PIP5K1B: variants seen among roughly 807,000 people sequenced by gnomAD.
The protein encoded by PIP5K1B is phosphatidylinositol 4-phosphate 5-kinase type-1 beta.
A neutral mutation model predicts 67.0 loss-of-function variants in PIP5K1B; 42 were observed. The observed-to-expected ratio is 0.63, with a 90% CI of 0.49 to 0.81. The LOEUF (loss-of-function observed/expected upper bound fraction) is 0.81. PIP5K1B is among the 30% of genes least tolerant of loss of function. PIP5K1B has a pLI of 0.00. For missense variants in PIP5K1B, 459 were observed against 646.3 expected (o/e 0.71, Z 3.14); for synonymous variants, 214 against 231.4 (o/e 0.92, Z 0.68).
rs201777880 is a variant in PIP5K1B at position 68,780,137 on chromosome 9, G to A, written c.-86+37480G>A. On this transcript the variant is annotated intron_variant, in intron 2 of 15. Coordinates refer to ENST00000265382, the MANE Select transcript of PIP5K1B (RefSeq NM_003558.4). Reference sequence around the variant, plus strand: ...ATGGGAATCCTAGGTCCCTGACTGAGCACCTCCCCCGCCTCCCTGCCCCCG... The same window carrying A: ...ATGGGAATCCTAGGTCCCTGACTGAACACCTCCCCCGCCTCCCTGCCCCCG... 6 of 1,507,694 alleles carry A rather than the reference G, an allele frequency of 4.0e-6. No homozygotes were observed. The Admixed American group carries it at 1.4e-4, about 35-fold the overall frequency. 93.4% of individuals were successfully genotyped at this position (1,507,694 alleles called of 1,614,324 possible).
intron 8 of PIP5K1B, among the ~76,000 whole-genome samples, chr9:68,901,479 G>A (rs143955933): frequency 0.011 from 1,614 of 152,080 alleles, 31 homozygotes; most frequent in African/African-American, 0.037. Context: ...GGCTGGTCTC[G>A]AACTCCTGAT....
chr9:68,960,648 A>G (rs1243821541), intron 14 of PIP5K1B, among the ~76,000 whole-genome samples: 2 of 152,002 alleles, frequency 1.3e-5, no homozygotes, highest in Non-Finnish European at 2.9e-5. Context: ...CCTCTAATTC[A>G]ATCAATTCTA....
chr9:68,912,747 A>G (rs1825914060), intron 8 of PIP5K1B, among the ~76,000 whole-genome samples: 1 of 152,208 alleles, frequency 6.6e-6, no homozygotes, highest in Non-Finnish European at 1.5e-5. Context: ...ACCACCCTGC[A>G]GCCACACCAG....
intron 5 of PIP5K1B, among the ~76,000 whole-genome samples, chr9:68,869,631 A>G (rs539822406): frequency 6.6e-6 from 1 of 152,294 alleles, no homozygotes; most frequent in Admixed American, 6.5e-5. Context: ...AGTAATTGCT[A>G]CAGAGACTGT....
chr9:69,004,263 G>A (rs1200426358), intron 15 of PIP5K1B, among the ~76,000 whole-genome samples: 2 of 152,036 alleles, frequency 1.3e-5, no homozygotes, highest in African/African-American at 4.8e-5. Flanking sequence ...ATTTTAAATA[G>A]TTCATGAATT....
intron 5 of PIP5K1B, among the ~76,000 whole-genome samples, chr9:68,875,079 G>A (rs1228824310): frequency 6.6e-6 from 1 of 151,946 alleles, no homozygotes; most frequent in Non-Finnish European, 1.5e-5. Context: ...CATGCATACT[G>A]AATATTCAAC....
chr9:68,832,978 A>G (rs1587523825), intron 4 of PIP5K1B, among the ~76,000 whole-genome samples: 2 of 152,212 alleles, frequency 1.3e-5, no homozygotes, highest in African/African-American at 2.4e-5. Flanking sequence ...AGTGCCTAGA[A>G]TGTATGACAT....
chr9:68,840,651 C>T (rs1413808512), intron 4 of PIP5K1B, among the ~76,000 whole-genome samples: 1 of 152,130 alleles, frequency 6.6e-6, no homozygotes, highest in Non-Finnish European at 1.5e-5. Flanking sequence ...CCAACAATGG[C>T]AGATTGAGTC....
Position 68,894,585 on chromosome 9 carries a change from T to A in PIP5K1B, c.718T>A (p.Phe240Ile). 2 of 1,614,166 alleles carry A rather than the reference T, an allele frequency of 1.2e-6. No homozygotes were observed. The highest frequency in any genetic ancestry group is 1.7e-6 in the Non-Finnish European group (2 of 1,179,968). ...GCAAGACATGCACGAAGGGTTGTAT[T>A]TTGATACGGAAACATACAACGCGCT... ...FLQDMHEGLYFDTETYNALMK... is the reference protein window; with the variant it reads ...FLQDMHEGLYIDTETYNALMK... The change falls in exon 8 of 16, where the codon TTT (phenylalanine) becomes ATT (isoleucine). Residue 240 changes from phenylalanine to isoleucine, a missense_variant. Coordinates refer to ENST00000265382, the MANE Select transcript of PIP5K1B (RefSeq NM_003558.4).
At chr9:68,800,712 G>T (rs1159117743) in intron 2 of PIP5K1B, among the ~76,000 whole-genome samples, 1 of 152,196 alleles carries the variant, frequency 6.6e-6, no homozygotes, top group Non-Finnish European at 1.5e-5. Context: ...GCAGGGTTAA[G>T]TCTGCCCAGA....
chr9:68,972,007 A>G (rs751930584), intron 14 of PIP5K1B, among the ~76,000 whole-genome samples: 18 of 152,102 alleles, frequency 1.2e-4, no homozygotes, highest in Non-Finnish European at 2.4e-4. Context: ...CTCATTTGTC[A>G]GTTTTGGCTT....
intron 6 of PIP5K1B, among the ~76,000 whole-genome samples, chr9:68,878,380 G>A (rs1293749027): frequency 6.6e-6 from 1 of 152,074 alleles, no homozygotes; most frequent in African/African-American, 2.4e-5. Context: ...TCACAAATTT[G>A]CTTTCTTTGG....
chr9:68,925,933 G>A (rs1232881045), intron 12 of PIP5K1B, among the ~76,000 whole-genome samples: 6 of 151,116 alleles, frequency 4.0e-5, no homozygotes, highest in Admixed American at 6.6e-5. Flanking sequence ...GAGTAGCTGG[G>A]ATTACAAGCA....
chr9:68,975,815 CT>C (rs1347428831), intron 14 of PIP5K1B, among the ~76,000 whole-genome samples: 1 of 152,188 alleles, frequency 6.6e-6, no homozygotes, highest in Non-Finnish European at 1.5e-5. Flanking sequence ...CTGCCTTTAT[CT>C]TCCATGGAGC....
chr9:68,912,726 A>C (rs1554734355), intron 8 of PIP5K1B, among the ~76,000 whole-genome samples: 1 of 152,182 alleles, frequency 6.6e-6, no homozygotes, highest in Non-Finnish European at 1.5e-5. Flanking sequence ...GTTCCAGAGC[A>C]AGGAGACTGA....
intron 5 of PIP5K1B, among the ~76,000 whole-genome samples, chr9:68,870,182 C>T (rs754893699): frequency 2.0e-5 from 3 of 152,160 alleles, no homozygotes; most frequent in Non-Finnish European, 4.4e-5. Context: ...ATGGTAATAA[C>T]TTCTTGGATG....
At chr9:68,714,191 C>T (rs530050234) in intron 1 of PIP5K1B, among the ~76,000 whole-genome samples, 10 of 152,320 alleles carry the variant, frequency 6.6e-5, no homozygotes, top group East Asian at 5.8e-4. Context: ...CCCAAAGGCA[C>T]CTCAAATTCT....
At chr9:68,961,757 TG>T (rs1828762005) in intron 14 of PIP5K1B, among the ~76,000 whole-genome samples, 1 of 152,212 alleles carries the variant, frequency 6.6e-6, no homozygotes, top group East Asian at 1.9e-4. Context: ...TATTTTCAGT[TG>T]GTCCCTTATC....
At chr9:68,913,526 T>C (rs1223930639) in intron 8 of PIP5K1B, among the ~76,000 whole-genome samples, 7 of 152,248 alleles carry the variant, frequency 4.6e-5, no homozygotes, top group African/African-American at 1.7e-4. Flanking sequence ...ATCTTAAAAG[T>C]ACGTGACTAA....
Sources: gnomAD v4.1 joint callset for allele counts (sites outside exome capture counted in the v4.1 genomes callset) on GRCh38, gnomAD v4.1.1 for gene constraint, MANE v1.5 for transcripts, NCBI Gene and HGNC (gene_info 2026-07-23, HGNC 2026-07-21) for gene names.